APLP1: variants seen among roughly 807,000 people sequenced by gnomAD.
APLP1 encodes amyloid beta precursor like protein 1.
Under a neutral mutation model 84.5 loss-of-function variants are expected in APLP1, and 46 were observed. The observed-to-expected ratio is 0.54, with a 90% CI of 0.43 to 0.70. APLP1 has a LOEUF of 0.70. APLP1 is among the 30% of genes least tolerant of loss of function. The pLI, the probability that APLP1 is intolerant of heterozygous loss-of-function variation, is 0.00. For missense variants in APLP1, 826 were observed against 900.2 expected, an observed-to-expected ratio of 0.92 and a Z score of 1.05; for synonymous variants, 376 against 364.0, an observed-to-expected ratio of 1.03 and a Z score of -0.38.
At chr19:35,877,496 A>G (rs1325563137) in intron 11 of APLP1, among the ~76,000 whole-genome samples, 1 of 148,940 alleles carries the variant, frequency 6.7e-6, no homozygotes, top group Non-Finnish European at 1.5e-5. Flanking sequence ...CTCAAAAAAA[A>G]AAAAACAAAA....
rs1234157815 is a variant in APLP1 at position 35,874,582 on chromosome 19, C to T, written c.1135C>T (p.Arg379Cys). The T allele has an allele frequency of 6.8e-6, 11 of 1,614,162 alleles. No individual in the cohort carries two copies. Among genetic ancestry groups the T allele is most frequent in the South Asian group, 3.3e-5 (3 of 91,086 alleles). The change falls in exon 9 of 17, where the codon CGC (arginine) becomes TGC (cysteine). Residue 379 changes from arginine (R) to cysteine (C), a missense_variant. Arg to Cys is a radical substitution (Grantham distance 180). Transcript: ENST00000221891. This position sits in a 1 kb window ranked among gnomAD's most constrained non-coding sequence, Gnocchi z 6.4. ...GCGCCTGGTGGAAACCCACGCCACC[C>T]GCGTCATCGCCCTTATCAACGACCA... is the stretch of plus-strand genomic sequence containing the variant. ...RQRLVETHAT[R>C]VIALINDQRR...
At chr19:35,869,366 G>T (rs1251066760) in intron 1 of APLP1, 4 of 575,460 alleles carry the variant, frequency 7.0e-6, no homozygotes, top group African/African-American at 2.0e-5. Context: ...CCTCCTCCGC[G>T]ATTCAGGTTT....
At chr19:35,876,332 C>T (rs189796896) in intron 10 of APLP1, among the ~76,000 whole-genome samples, 185 bp from the exon 11 acceptor site, 2 of 152,296 alleles carry the variant, frequency 1.3e-5, no homozygotes, top group African/African-American at 4.8e-5. Flanking sequence ...ACTTTCTGTT[C>T]CTTGGACTTT....
chr19:35,871,546 A>T, intron 4 of APLP1, 66 bp from the exon 5 acceptor site: 1 of 1,594,328 alleles, frequency 6.3e-7, no homozygotes, highest in Non-Finnish European at 8.6e-7. Flanking sequence ...CAACCCTGGC[A>T]GCCCAGTTCC....
chr19:35,874,835 TG>T lies in APLP1; in HGVS notation c.1312del (p.Asp438IlefsTer18). The T allele has an allele frequency of 6.2e-7, 1 of 1,611,240 alleles. No individual in the cohort carries two copies. On this transcript the variant is annotated frameshift_variant, in exon 10 of 17. Coordinates refer to ENST00000221891, the MANE Select transcript of APLP1 (RefSeq NM_001024807.3). LOFTEE classifies it high-confidence loss of function. The surrounding 1 kb of genome is among the most constrained non-coding windows in gnomAD (Gnocchi z 6.4). ...CGCCACTACCAGCATGTGGCCGCCG[TG>T]GATCCCGAGAAGGCACAGCAGATGC... Reference protein sequence around the residue: ...TLRHYQHVAAVDPEKAQQMRF... With the variant: ...TLRHYQHVAAXDPEKAQQMRF...
chr19:35,871,585 T>G, intron 4 of APLP1, 27 bp from the exon 5 acceptor site: 8 of 1,612,666 alleles, frequency 5.0e-6, no homozygotes, highest in Non-Finnish European at 6.8e-6. Context: ...CCCACAATCC[T>G]GGCATCTGGG....
rs772321081 is a variant in APLP1 at position 35,879,082 on chromosome 19, T to C, written c.1722T>C (p.Ala574=). ...ATCTCCTCTCCCTGCAGGCACCAGCTGGGACAGGGGTGTCCCGTGAGGCTG... is the reference window on the plus strand; with the variant it reads ...ATCTCCTCTCCCTGCAGGCACCAGCCGGGACAGGGGTGTCCCGTGAGGCTG... The part of the protein sequence containing the change: ...SEIQRDELAP[A]GTGVSREAVS... The change falls in exon 16 of 17, where the codon GCT becomes GCC. Residue 574 remains alanine (A), a synonymous_variant. Transcript: ENST00000221891. 3 of 1,612,298 alleles carry C rather than the reference T, an allele frequency of 1.9e-6. No individual in the cohort carries two copies. The highest frequency in any genetic ancestry group is 2.5e-6 in the Non-Finnish European group (3 of 1,179,962).
intron 2 of APLP1, chr19:35,870,578 G>A (rs1974117672): frequency 3.6e-6 from 1 of 277,398 alleles, no homozygotes; most frequent in African/African-American, 2.3e-5. Flanking sequence ...GAGGTCAGAA[G>A]TTCGAGACCA....
chr19:35,875,598 G>A (rs989904569), intron 10 of APLP1, among the ~76,000 whole-genome samples: 1 of 152,126 alleles, frequency 6.6e-6, no homozygotes, highest in Non-Finnish European at 1.5e-5. Context: ...TCGGATTACA[G>A]GTGTGAGCCA....
chr19:35,869,291 TC>T (rs1568472816), intron 1 of APLP1: 2 of 520,822 alleles, frequency 3.8e-6, no homozygotes, highest in Non-Finnish European at 6.7e-6. Context: ...CAGCTTTGCA[TC>T]CTGCAACGGG....
At chr19:35,872,922 C>T (rs537372741) in intron 7 of APLP1, among the ~76,000 whole-genome samples, 8 of 151,102 alleles carry the variant, frequency 5.3e-5, no homozygotes, top group African/African-American at 1.9e-4. Context: ...TGCAATGGTG[C>T]GATCTCGGCC....
Position 35,879,735 on chromosome 19 carries a change from G to T in APLP1, c.*294G>T, listed in dbSNP as rs1054993641. The T allele has an allele frequency of 1.3e-5, 5 of 381,342 alleles. No individual in the cohort carries two copies. The highest frequency in any genetic ancestry group is 2.4e-5 in the Non-Finnish European group (5 of 211,626). The allele number at this position is 381,342 out of a possible 1,614,324, so 23.6% of individuals were successfully genotyped here. A position where few individuals can be genotyped will look rare whatever the true frequency, so the allele number is the denominator to read the frequency against. ...ACCTTGGTCCTAGTGTCTATTCCCT[G>T]GAATTCACCCTCTCATGTTTCCCTA... On this transcript the variant is annotated 3_prime_UTR_variant, in exon 17 of 17. Coordinates refer to ENST00000221891, the MANE Select transcript of APLP1 (RefSeq NM_001024807.3).
At chr19:35,870,145 A>T (rs1332686893) in intron 2 of APLP1, 3 of 318,854 alleles carry the variant, frequency 9.4e-6, no homozygotes, top group African/African-American at 2.2e-5. Context: ...GAGCCCAATG[A>T]GAGCGCGGAG....
chr19:35,878,763 G>C, intron 14 of APLP1, 109 bp downstream of exon 14: 1 of 1,525,314 alleles, frequency 6.6e-7, no homozygotes, highest in East Asian at 2.3e-5. Flanking sequence ...CCTGAGGGAA[G>C]AGGGAGCTGA....
Position 35,874,375 on chromosome 19 carries a change from T to G in APLP1, c.1057-129T>G. Reference sequence around the variant, plus strand: ...GCCCACCCCTTCCAGTCCATAACCTTTGGTTCTGCCCAGGCCTGGACCCCT... The same window carrying G: ...GCCCACCCCTTCCAGTCCATAACCTGTGGTTCTGCCCAGGCCTGGACCCCT... On this transcript the variant is annotated intron_variant, in intron 8 of 16. Transcript: ENST00000221891. This position sits in a 1 kb window ranked among gnomAD's most constrained non-coding sequence, Gnocchi z 6.4. The G allele has an allele frequency of 8.7e-7, 1 of 1,151,338 alleles. No homozygotes were observed. The highest frequency in any genetic ancestry group is 1.2e-6 in the Non-Finnish European group (1 of 800,418). The allele number at this position is 1,151,338 out of a possible 1,614,324, so 71.3% of individuals were successfully genotyped here.
intron 2 of APLP1, chr19:35,870,188 T>C (rs376240): frequency 0.11 from 30,513 of 266,452 alleles, 5,287 homozygotes; most frequent in African/African-American, 0.48. Flanking sequence ...AAAGACAAAT[T>C]TATAACGGGA....
At position 35,871,906 on chromosome 19, in the gene APLP1, T is replaced by C; in HGVS notation, c.720T>C (p.Ala240=). Reference sequence around the variant, plus strand: ...CCCCGGGGAGCAGAGTAGAGGGGGCTGAGGACGAGGAAGAGGAGGAATCCT... The same window carrying C: ...CCCCGGGGAGCAGAGTAGAGGGGGCCGAGGACGAGGAAGAGGAGGAATCCT... ...SWPPGSRVEG[A]EDEEEEESFP... Residue 240 remains alanine (A), a synonymous_variant, in exon 6 of 17, where the codon GCT becomes GCC. Transcript: ENST00000221891. 1.9e-6 allele frequency: 3 copies of C among 1,614,044 alleles called. No individual in the cohort carries two copies. The highest frequency in any genetic ancestry group is 2.5e-6 in the Non-Finnish European group (3 of 1,179,992).
At position 35,871,969 on chromosome 19, in the gene APLP1, G is replaced by A. The variant is rs369846598; in HGVS notation, c.783G>A (p.Pro261=). The change falls in exon 6 of 17, where the codon CCG becomes CCA. Residue 261 remains proline, a synonymous_variant. Coordinates refer to ENST00000221891, the MANE Select transcript of APLP1 (RefSeq NM_001024807.3). The stretch of plus-strand genomic sequence containing the variant: ...TAGATGATTACTTCGTGGAGCCTCC[G>A]CAGGCTGAAGAGGAAGAGGAAACGG... ...QPVDDYFVEP[P]QAEEEEETVP... 45 of 1,614,000 alleles carry A rather than the reference G, an allele frequency of 2.8e-5. No individual in the cohort carries two copies. The highest frequency in any genetic ancestry group is 3.3e-5 in the Non-Finnish European group (39 of 1,180,020).
chr19:35,870,154 A>T, intron 2 of APLP1: 1 of 272,194 alleles, frequency 3.7e-6, no homozygotes, highest in Non-Finnish European at 6.8e-6. Context: ...GAGAGCGCGG[A>T]GAGCTGGGGG....
Sources: gnomAD v4.1 joint callset for allele counts (sites outside exome capture counted in the v4.1 genomes callset) on GRCh38, gnomAD v4.1.1 for gene constraint, Gnocchi (gnomAD v3.1) non-coding constraint, MANE v1.5 for transcripts, NCBI Gene and HGNC (gene_info 2026-07-23, HGNC 2026-07-21) for gene names.